ABCA13: variants seen among roughly 807,000 people sequenced by gnomAD.
ABCA13 encodes ATP binding cassette subfamily A member 13, also known as ATP-binding cassette sub-family A member 13.
In ABCA13, 476 loss-of-function variants were observed where a neutral mutation model predicts 478.7. The ratio of observed to expected loss-of-function variants is 0.99; its 90% CI spans 0.92 to 1.07. The LOEUF (loss-of-function observed/expected upper bound fraction) is 1.07, where lower values mean the gene tolerates loss of function less well. Among genes scored for constraint, ABCA13 ranks in the 50% least tolerant of loss-of-function variants. The pLI is 0.00. For synonymous variants in ABCA13, 2,252 were observed against 2,158.9 expected (o/e 1.04, Z -1.20); for missense variants, 6,060 against 5,910.6 (o/e 1.03, Z -0.83).
At chr7:48,498,621 A>G (rs1830475252) in intron 48 of ABCA13, among the ~76,000 whole-genome samples, 1 of 152,070 alleles carries the variant, frequency 6.6e-6, no homozygotes, top group Admixed American at 6.6e-5. Flanking sequence ...ATAGAATAGC[A>G]CCTATGGAAT....
chr7:48,241,196 G>A (rs1319952670), intron 10 of ABCA13, 130 bp downstream of exon 10: 1 of 1,170,482 alleles, frequency 8.5e-7, no homozygotes, highest in Admixed American at 2.1e-5. Flanking sequence ...GTTAGCAAAT[G>A]GGAAATCAGA....
chr7:48,248,404 G>A lies in ABCA13; in HGVS notation c.1825G>A (p.Val609Ile), dbSNP rs901905563. The change falls in exon 14 of 62, where the codon GTC (valine) becomes ATC (isoleucine). Residue 609 changes from valine (V) to isoleucine (I), a missense_variant. This residue lies in a region of ABCA13 where 4,423 missense variants were observed against 4,309.1 expected (regional missense o/e 1.03). Transcript: ENST00000435803. ...AGCTGATCCCTCTCCTGAGAATGAT[G>A]TCTTTTCTAGTGACTGTAAGCACCA... ...LGADPSPENDVFSSDCKHQLV... is the reference protein window; with the variant it reads ...LGADPSPENDIFSSDCKHQLV... The A allele has an allele frequency of 4.3e-6, 7 of 1,612,114 alleles. No homozygotes were observed. The highest frequency in any genetic ancestry group is 5.9e-6 in the Non-Finnish European group (7 of 1,178,958).
chr7:48,251,670 A>G (rs1418908501), intron 15 of ABCA13, among the ~76,000 whole-genome samples: 2 of 151,840 alleles, frequency 1.3e-5, no homozygotes, highest in East Asian at 1.9e-4. Context: ...CTAAATATGT[A>G]TATTATTTTA....
Position 48,441,906 on chromosome 7 carries a change from G to A in ABCA13, c.12566-13131G>A, listed in dbSNP as rs925354820. ...ACTGCGAAAAAAATGAAAACTGTGC[G>A]ATGAGTAACAACAAATTAGCATGGT... On this transcript the variant is annotated intron_variant, in intron 42 of 61. Coordinates refer to ENST00000435803, the MANE Select transcript of ABCA13 (RefSeq NM_152701.5). Among the ~76,000 whole-genome samples the A allele has an allele frequency of 4.6e-5, 7 of 152,160 alleles. No individual in the cohort carries two copies. The East Asian group carries it at 1.2e-3, about 25-fold the overall frequency.
chr7:48,414,870 G>A (rs17729627), intron 41 of ABCA13, among the ~76,000 whole-genome samples: 29,645 of 152,052 alleles, frequency 0.19, 3,281 homozygotes, highest in East Asian at 0.23. Flanking sequence ...GTCAAAAATG[G>A]TAATGGCTTT....
chr7:48,239,167 TG>T, intron 8 of ABCA13, 73 bp from the exon 9 acceptor site: 1 of 1,479,616 alleles, frequency 6.8e-7, no homozygotes, highest in Non-Finnish European at 9.3e-7. Context: ...GGCAAGATCG[TG>T]GTGTTATTTT....
intron 57 of ABCA13, 61 bp downstream of exon 57, chr7:48,587,349 T>C: frequency 1.4e-6 from 2 of 1,477,430 alleles, no homozygotes; most frequent in Non-Finnish European, 1.8e-6. Flanking sequence ...ATTTATAAAC[T>C]GATTTTAAGG....
intron 48 of ABCA13, among the ~76,000 whole-genome samples, chr7:48,492,857 C>T (rs968735293): frequency 6.6e-6 from 1 of 151,952 alleles, no homozygotes; most frequent in African/African-American, 2.4e-5. Flanking sequence ...GAAACCCTGT[C>T]TGTACTAAAA....
Position 48,430,019 on chromosome 7 carries a change from C to T in ABCA13, c.12565+2148C>T, listed in dbSNP as rs565985056. Among the ~76,000 whole-genome samples, 44 of 152,110 alleles carry T rather than the reference C, an allele frequency of 2.9e-4. 1 individual carries two copies. The highest frequency in any genetic ancestry group is 9.4e-4 in the African/African-American group (39 of 41,510). ...TTTTCTTTTCTTGCAGTGTCTTTGGCGCTGTTATCATGGTTATCTTCACCT... is the reference window on the plus strand; with the variant it reads ...TTTTCTTTTCTTGCAGTGTCTTTGGTGCTGTTATCATGGTTATCTTCACCT... On this transcript the variant is annotated intron_variant, in intron 42 of 61. Transcript: ENST00000435803.
intron 41 of ABCA13, among the ~76,000 whole-genome samples, chr7:48,419,847 A>G (rs1820510126): frequency 6.6e-6 from 1 of 152,226 alleles, no homozygotes; most frequent in South Asian, 2.1e-4. Flanking sequence ...AAGGGCAACC[A>G]TGGGCAAAGA....
chr7:48,226,462 T>G (rs1236627161), intron 5 of ABCA13, among the ~76,000 whole-genome samples: 1 of 152,170 alleles, frequency 6.6e-6, no homozygotes, highest in Non-Finnish European at 1.5e-5. Flanking sequence ...GGAGAATGCT[T>G]CTTTTTCTGT....
chr7:48,601,998 T>C (rs1332122175), intron 58 of ABCA13, among the ~76,000 whole-genome samples: 1 of 152,268 alleles, frequency 6.6e-6, no homozygotes, highest in Non-Finnish European at 1.5e-5. Context: ...TTTTCATATG[T>C]TTGTTGGCTG....
At chr7:48,180,629 G>T (rs969437631) in intron 1 of ABCA13, among the ~76,000 whole-genome samples, 4 of 151,922 alleles carry the variant, frequency 2.6e-5, no homozygotes, top group Non-Finnish European at 4.4e-5. Context: ...GTTTCACCCT[G>T]TTGGCCAGGC....
chr7:48,634,017 A>G (rs1217022114), intron 59 of ABCA13, among the ~76,000 whole-genome samples: 1 of 152,182 alleles, frequency 6.6e-6, no homozygotes, highest in Non-Finnish European at 1.5e-5. Context: ...AATCAATACC[A>G]AGATTTCTCA....
chr7:48,556,877 T>G (rs2131232750), intron 55 of ABCA13, among the ~76,000 whole-genome samples: 1 of 152,184 alleles, frequency 6.6e-6, no homozygotes, highest in East Asian at 1.9e-4. Context: ...CTTCTCATCT[T>G]TCTTTTATTC....
intron 1 of ABCA13, among the ~76,000 whole-genome samples, chr7:48,190,332 T>A (rs1185507341): frequency 1.3e-5 from 2 of 152,188 alleles, no homozygotes; most frequent in African/African-American, 4.8e-5. Context: ...GATTTCATAA[T>A]GTGCATTGGT....
chr7:48,277,236 T>TAGGCAGGGGCGCCCACAGC lies in ABCA13; in HGVS notation c.6899+684_6899+702dup, dbSNP rs1339402492. 3.3e-5 allele frequency among the ~76,000 whole-genome samples: 5 copies of TAGGCAGGGGCGCCCACAGC among 152,194 alleles called. No homozygotes were observed. In the East Asian group the frequency reaches 7.7e-4, roughly 24 times the overall value. ...GACTGTCAGGAAGGGAGGCCCACAG[T>TAGGCAGGGGCGCCCACAGC]AGGCAGGGGCGCCCACAGCAGGCAG... On this transcript the variant is annotated intron_variant, in intron 17 of 61. Transcript: ENST00000435803.
intron 58 of ABCA13, among the ~76,000 whole-genome samples, chr7:48,597,773 T>G (rs1180295382): frequency 6.6e-6 from 1 of 152,196 alleles, no homozygotes; most frequent in African/African-American, 2.4e-5. Flanking sequence ...CCATCCTCCA[T>G]TTTTTAAAAA....
At chr7:48,369,569 TA>T (rs755293470) in intron 32 of ABCA13, among the ~76,000 whole-genome samples, 1 of 152,220 alleles carries the variant, frequency 6.6e-6, no homozygotes, top group South Asian at 2.1e-4. Context: ...GATTTTTGTA[TA>T]AGGTGAGAGA....
Sources: allele counts gnomAD v4.1 joint callset (sites outside exome capture counted in the v4.1 genomes callset), GRCh38; gene constraint gnomAD v4.1.1; regional missense constraint gnomAD v4.1.1; transcripts MANE v1.5; gene names NCBI Gene and HGNC (gene_info 2026-07-23, HGNC 2026-07-21).